Variants in CTNNAL1 observed in about 807,000 individuals in gnomAD.
CTNNAL1 encodes the protein alpha-catulin.
A neutral mutation model predicts 93.6 loss-of-function variants in CTNNAL1; 69 were observed. That is an observed-to-expected ratio of 0.74 (90% CI 0.61 to 0.90). The LOEUF (loss-of-function observed/expected upper bound fraction) is 0.90. Among genes scored for constraint, CTNNAL1 ranks in the 40% least tolerant of loss-of-function variants. The pLI is 0.00. For synonymous variants in CTNNAL1, 286 were observed against 305.4 expected (o/e 0.94, Z 0.66); for missense variants, 836 against 862.0 (o/e 0.97, Z 0.38).
intron 11 of CTNNAL1, among the ~76,000 whole-genome samples, chr9:108,956,595 T>A (rs961313985): frequency 5.3e-5 from 8 of 152,210 alleles, no homozygotes; most frequent in African/African-American, 1.9e-4. Flanking sequence ...ATAGAATAGT[T>A]TGAACCATAT....
intron 11 of CTNNAL1, among the ~76,000 whole-genome samples, chr9:108,962,828 T>C (rs1333510940): frequency 1.3e-5 from 2 of 152,212 alleles, no homozygotes; most frequent in African/African-American, 4.8e-5. Context: ...ACACTTACCA[T>C]ATTAGGTAGT....
Position 108,983,334 on chromosome 9 carries a change from T to C in CTNNAL1, c.730-19A>G, listed in dbSNP as rs1831496457. Reference sequence around the variant, plus strand: ...GACATGTCTTCAAAACAATTGAAAATTTTTATTTTAATATTTGATTTATGT... The same window carrying C: ...GACATGTCTTCAAAACAATTGAAAACTTTTATTTTAATATTTGATTTATGT... On this transcript the variant is annotated intron_variant, in intron 5 of 18. Coordinates refer to ENST00000325551, the MANE Select transcript of CTNNAL1 (RefSeq NM_003798.4). 6.9e-7 allele frequency: 1 copy of C among 1,459,334 alleles called. No individual in the cohort carries two copies. Among genetic ancestry groups the C allele is most frequent in the Non-Finnish European group, 9.1e-7 (1 of 1,103,914 alleles). 90.4% of individuals were successfully genotyped at this position (1,459,334 alleles called of 1,614,324 possible).
Position 108,943,954 on chromosome 9 carries a change from T to A in CTNNAL1, c.1941+8A>T. ...ACCACCAGCTCCAGGTAGGTAGACA[T>A]GTGTTACCTGTTTTGAAAAAGCTTG... is the stretch of plus-strand genomic sequence containing the variant. On this transcript the variant is annotated splice_region_variant and intron_variant, in intron 16 of 18. Coordinates refer to ENST00000325551, the MANE Select transcript of CTNNAL1 (RefSeq NM_003798.4). 1.2e-6 allele frequency: 2 copies of A among 1,613,088 alleles called. No individual in the cohort carries two copies. The highest frequency in any genetic ancestry group is 2.2e-5 in the South Asian group (2 of 90,792).
intron 9 of CTNNAL1, among the ~76,000 whole-genome samples, chr9:108,970,804 A>G (rs1831091812): frequency 6.6e-6 from 1 of 152,088 alleles, no homozygotes; most frequent in Admixed American, 6.6e-5. Context: ...TATTTTATAT[A>G]TAAAGAAATT....
Position 108,983,236 on chromosome 9 carries a change from T to G in CTNNAL1, c.809A>C (p.Asp270Ala). The G allele has an allele frequency of 6.3e-7, 1 of 1,598,048 alleles. No individual in the cohort carries two copies. Among genetic ancestry groups the G allele is most frequent in the Non-Finnish European group, 8.5e-7 (1 of 1,171,920 alleles). The change falls in exon 6 of 19, where the codon GAT becomes GCT. Residue 270 changes from aspartate (D) to alanine (A), a missense_variant. Coordinates refer to ENST00000325551, the MANE Select transcript of CTNNAL1 (RefSeq NM_003798.4). ...GVFDRMKVALDKVIEIVTDCK... is the reference protein window; with the variant it reads ...GVFDRMKVALAKVIEIVTDCK... ...GTCAGTCACAATTTCAATGACCTTA[T>G]CCAATGCCACTTTCATACGGTCAAA...
intron 1 of CTNNAL1, among the ~76,000 whole-genome samples, chr9:109,010,009 ATAAT>A (rs1480429624): frequency 6.6e-6 from 1 of 152,058 alleles, no homozygotes; most frequent in East Asian, 1.9e-4. Flanking sequence ...GATTTTTTTA[ATAAT>A]TACTTTTTCT....
In CTNNAL1 at chr9:108,952,471, T is replaced by C. The variant is rs1350126450; in HGVS notation, c.1653A>G (p.Ser551=). ...CAGAGTCAGGCTTGTCTGGCTTTAA[T>C]GATTTCAGGTTTGCATTATTCTTCT... The part of the protein sequence containing the change: ...KPMKNNANLK[S]LKPDKPDSEE... Residue 551 remains serine (S), a synonymous_variant, in exon 13 of 19, where the codon TCA becomes TCG. Coordinates refer to ENST00000325551, the MANE Select transcript of CTNNAL1 (RefSeq NM_003798.4). The C allele has an allele frequency of 2.5e-6, 4 of 1,614,122 alleles. No individual in the cohort carries two copies. The highest frequency in any genetic ancestry group is 2.7e-5 in the African/African-American group (2 of 74,956).
intron 11 of CTNNAL1, among the ~76,000 whole-genome samples, chr9:108,956,383 A>T (rs1298316341): frequency 1.3e-5 from 2 of 152,250 alleles, no homozygotes; most frequent in African/African-American, 2.4e-5. Flanking sequence ...GAAAGGAAGG[A>T]GACGGGCAAT....
chr9:108,988,132 G>C (rs1831672911), intron 4 of CTNNAL1, among the ~76,000 whole-genome samples: 1 of 152,058 alleles, frequency 6.6e-6, no homozygotes, highest in Non-Finnish European at 1.5e-5. Context: ...TGCCCAGGCT[G>C]GAGCGCAGTG....
intron 12 of CTNNAL1, among the ~76,000 whole-genome samples, chr9:108,953,152 G>A (rs919239147): frequency 1.3e-5 from 2 of 152,102 alleles, no homozygotes; most frequent in African/African-American, 4.8e-5. Flanking sequence ...AAACTATCTG[G>A]AACTCAGAGT....
At position 108,955,815 on chromosome 9, in the gene CTNNAL1, C is replaced by G; in HGVS notation, c.1604G>C (p.Gly535Ala). The G allele has an allele frequency of 6.2e-7, 1 of 1,600,308 alleles. No homozygotes were observed. Among genetic ancestry groups the G allele is most frequent in the Non-Finnish European group, 8.5e-7 (1 of 1,173,370 alleles). ...VFEGRRGEKY[G>A]YLSLPKPMKN... ...CATTGGCTTTGGAAGTGAAAGGTAG[C>G]CATACTTCTCTCCTACAAATAACAC... is the stretch of plus-strand genomic sequence containing the variant. Residue 535 changes from glycine (G) to alanine (A), a missense_variant, in exon 12 of 19, where the codon GGC (glycine) becomes GCC (alanine). Coordinates refer to ENST00000325551, the MANE Select transcript of CTNNAL1 (RefSeq NM_003798.4).
intron 8 of CTNNAL1, 31 bp from the exon 9 acceptor site, chr9:108,972,864 G>GGGCGCCCCC: frequency 3.5e-5 from 5 of 142,576 alleles, no homozygotes; most frequent in Non-Finnish European, 5.0e-5. Context: ...GGGGGGGTGG[G>GGGCGCCCCC]AGGGTGGAGA....
chr9:108,979,753 C>A (rs2132146794), intron 6 of CTNNAL1, among the ~76,000 whole-genome samples: 1 of 152,314 alleles, frequency 6.6e-6, no homozygotes, highest in Admixed American at 6.5e-5. Flanking sequence ...GCAGAAAGAG[C>A]ATCATCCTCT....
chr9:108,978,505 G>A (rs1227598126), intron 7 of CTNNAL1, among the ~76,000 whole-genome samples: 1 of 152,194 alleles, frequency 6.6e-6, no homozygotes, highest in Non-Finnish European at 1.5e-5. Context: ...TGTAAGCCAT[G>A]TTAAATACTT....
chr9:109,002,462 T>G (rs1826865759), intron 1 of CTNNAL1, among the ~76,000 whole-genome samples: 1 of 152,012 alleles, frequency 6.6e-6, no homozygotes, highest in African/African-American at 2.4e-5. Flanking sequence ...TACCGGAAAC[T>G]GGAGAAAAGG....
In CTNNAL1 at chr9:108,942,735, CAT is replaced by C. The variant is rs763840176; in HGVS notation, c.*32_*33del. 7 of 1,286,026 alleles carry C rather than the reference CAT, an allele frequency of 5.4e-6. No individual in the cohort carries two copies. The highest frequency in any genetic ancestry group is 7.8e-6 in the Non-Finnish European group (7 of 894,818). The allele number at this position is 1,286,026 out of a possible 1,614,324, so 79.7% of individuals were successfully genotyped here. A position where few individuals can be genotyped will look rare whatever the true frequency, so the allele number is the denominator to read the frequency against. ...ATTTTTAAAAATGTCAGCTTCATCA[CAT>C]GATGTTCCAGAGATCTGACCCCAAA... On this transcript the variant is annotated 3_prime_UTR_variant, in exon 19 of 19. Coordinates refer to ENST00000325551, the MANE Select transcript of CTNNAL1 (RefSeq NM_003798.4).
intron 1 of CTNNAL1, among the ~76,000 whole-genome samples, chr9:109,002,421 G>A (rs1826863909): frequency 6.6e-6 from 1 of 152,126 alleles, no homozygotes; most frequent in South Asian, 2.1e-4. Flanking sequence ...GAAGCGACGG[G>A]TAAAAGCTTA....
rs914242630 is a variant in CTNNAL1 at position 109,013,404 on chromosome 9, G to A, written c.39C>T (p.Ala13=). The change falls in exon 1 of 19, where the codon GCC becomes GCT. Residue 13 remains alanine (A), a synonymous_variant. Coordinates refer to ENST00000325551, the MANE Select transcript of CTNNAL1 (RefSeq NM_003798.4). ...ASPGPAGVGG[A]GAVYGSGSSG... ...AAGAGCCGGAGCCGTAGACTGCTCC[G>A]GCGCCGCCAACGCCGGCGGGTCCGG... 6.7e-7 allele frequency: 1 copy of A among 1,491,852 alleles called. No homozygotes were observed. Among genetic ancestry groups the A allele is most frequent in the East Asian group, 2.9e-5 (1 of 34,168 alleles). The allele number at this position is 1,491,852 out of a possible 1,614,324, so 92.4% of individuals were successfully genotyped here.
intron 1 of CTNNAL1, among the ~76,000 whole-genome samples, chr9:109,004,587 A>T (rs773983183): frequency 6.6e-6 from 1 of 152,246 alleles, no homozygotes. Flanking sequence ...GGAATTTGAG[A>T]CCAGCTTGGC....
Sources: allele counts gnomAD v4.1 joint callset (sites outside exome capture counted in the v4.1 genomes callset), GRCh38; gene constraint gnomAD v4.1.1; transcripts MANE v1.5; gene names NCBI Gene and HGNC (gene_info 2026-07-23, HGNC 2026-07-21).